HS6ST2: variants seen among roughly 807,000 people sequenced by gnomAD.
HS6ST2 encodes heparan sulfate 6-O-sulfotransferase 2, also known as heparan-sulfate 6-O-sulfotransferase 2.
Under a neutral mutation model 33.0 loss-of-function variants are expected in HS6ST2, and 17 were observed. The observed-to-expected ratio is 0.52, with a 90% CI of 0.35 to 0.77. The LOEUF (loss-of-function observed/expected upper bound fraction) is 0.77, where lower values mean the gene tolerates loss of function less well. Among genes scored for constraint, HS6ST2 ranks in the 30% least tolerant of loss-of-function variants. HS6ST2 has a pLI of 0.01. For synonymous variants in HS6ST2, 248 were observed against 237.1 expected (o/e 1.05, Z -0.42); for missense variants, 519 against 551.7 (o/e 0.94, Z 0.59).
rs567087475 is a variant in HS6ST2 at position 132,921,896 on chromosome X, G to A, written c.947+34912C>T. 3.9e-4 allele frequency among the ~76,000 whole-genome samples: 44 copies of A among 111,860 alleles called. No individual in the cohort carries two copies. The Middle Eastern group carries it at 0.018, about 46-fold the overall frequency. On this transcript the variant is annotated intron_variant, in intron 2 of 4. Coordinates refer to ENST00000370833, the MANE Select transcript of HS6ST2 (RefSeq NM_001394073.1). ...AGCCAGACATGTCAATGGCTTAATC[G>A]GGACCCCTGGGCTTCTTTCCTTCAA... is the stretch of plus-strand genomic sequence containing the variant.
chrX:132,847,382 A>C (rs1052851639), intron 2 of HS6ST2, among the ~76,000 whole-genome samples: 1 of 111,475 alleles, frequency 9.0e-6, no homozygotes, highest in Non-Finnish European at 1.9e-5. Flanking sequence ...AAGCCATAAA[A>C]ATCAAAATTG....
chrX:132,685,800 A>C (rs2064012931), intron 3 of HS6ST2, among the ~76,000 whole-genome samples: 1 of 111,724 alleles, frequency 9.0e-6, no homozygotes, highest in Non-Finnish European at 1.9e-5. Context: ...ATATCTCTCA[A>C]CCAAGCAGAG....
chrX:132,700,947 T>A (rs1478033664), intron 3 of HS6ST2, among the ~76,000 whole-genome samples: 2 of 111,682 alleles, frequency 1.8e-5, no homozygotes, highest in Non-Finnish European at 3.8e-5. Flanking sequence ...ACAAAATTCC[T>A]TTTACCTGTT....
rs148442832 is a variant in HS6ST2 at position 132,652,448 on chromosome X, C to A, written c.1067+16665G>T. On this transcript the variant is annotated intron_variant, in intron 4 of 4. Coordinates refer to ENST00000370833, the MANE Select transcript of HS6ST2 (RefSeq NM_001394073.1). Reference sequence around the variant, plus strand: ...AGTGCCTATTCATCACCCACATTTACAGTGCCTTCTAACAGGATAGACTGT... The same window carrying A: ...AGTGCCTATTCATCACCCACATTTAAAGTGCCTTCTAACAGGATAGACTGT... 4.8e-3 allele frequency among the ~76,000 whole-genome samples: 538 copies of A among 111,925 alleles called. 4 individuals are homozygous for A. The highest frequency in any genetic ancestry group is 0.016 in the African/African-American group (485 of 30,833).
chrX:132,866,379 T>C (rs1445551538), intron 2 of HS6ST2, among the ~76,000 whole-genome samples: 1 of 98,807 alleles, frequency 1.0e-5, no homozygotes, highest in Non-Finnish European at 2.0e-5. Flanking sequence ...TTGGTTACTG[T>C]AGCCTTGTAG....
intron 2 of HS6ST2, among the ~76,000 whole-genome samples, chrX:132,909,980 T>C (rs1395349097): frequency 1.8e-5 from 2 of 110,294 alleles, no homozygotes; most frequent in Admixed American, 1.9e-4. Flanking sequence ...TGGAAATAAA[T>C]GAGGACATCA....
chrX:132,682,970 C>T (rs189772294), intron 3 of HS6ST2, among the ~76,000 whole-genome samples: 9 of 109,771 alleles, frequency 8.2e-5, no homozygotes, highest in East Asian at 2.9e-4. Context: ...TAAAATGATC[C>T]GGGCATGGTG....
At chrX:132,693,819 T>C (rs2064084233) in intron 3 of HS6ST2, among the ~76,000 whole-genome samples, 1 of 111,417 alleles carries the variant, frequency 9.0e-6, no homozygotes, top group South Asian at 3.8e-4. Flanking sequence ...TGAACTTTCT[T>C]ATCTCCCTAA....
intron 2 of HS6ST2, among the ~76,000 whole-genome samples, chrX:132,945,703 C>T (rs1047080264): frequency 1.3e-4 from 14 of 109,399 alleles, no homozygotes; most frequent in African/African-American, 4.7e-4. Flanking sequence ...ATGTCCTTTG[C>T]AGGGACATGG....
chrX:132,680,526 G>A (rs2063961307), intron 3 of HS6ST2, among the ~76,000 whole-genome samples: 1 of 111,621 alleles, frequency 9.0e-6, no homozygotes. Context: ...CAAACCTTTA[G>A]AAGAGATTAC....
intron 2 of HS6ST2, among the ~76,000 whole-genome samples, chrX:132,801,656 T>C (rs981494195): frequency 1.8e-5 from 2 of 111,456 alleles, no homozygotes; most frequent in African/African-American, 3.3e-5. Flanking sequence ...TTGGGTTCCT[T>C]ACTTGCTAGG....
intron 3 of HS6ST2, among the ~76,000 whole-genome samples, chrX:132,704,508 C>A (rs1379615288): frequency 9.0e-6 from 1 of 110,627 alleles, no homozygotes; most frequent in Non-Finnish European, 1.9e-5. Flanking sequence ...GAACTGAGAT[C>A]GCGCCATTGA....
At chrX:132,814,196 G>C (rs994703323) in intron 2 of HS6ST2, among the ~76,000 whole-genome samples, 3 of 111,692 alleles carry the variant, frequency 2.7e-5, no homozygotes, top group Non-Finnish European at 5.6e-5. Flanking sequence ...CACCCGCCTC[G>C]GCCTCCCAAA....
At chrX:132,836,913 C>A (rs1195056105) in intron 2 of HS6ST2, among the ~76,000 whole-genome samples, 1 of 111,636 alleles carries the variant, frequency 9.0e-6, no homozygotes, top group Non-Finnish European at 1.9e-5. Context: ...AATGTATATT[C>A]ATTTGTGTGT....
chrX:132,945,660 GA>G (rs35827625), intron 2 of HS6ST2, among the ~76,000 whole-genome samples: 1 of 110,042 alleles, frequency 9.1e-6, no homozygotes, highest in Non-Finnish European at 1.9e-5. Context: ...ATACACCATG[GA>G]ATACTATGCA....
At chrX:132,946,245 C>T (rs759536682) in intron 2 of HS6ST2, among the ~76,000 whole-genome samples, 5 of 111,657 alleles carry the variant, frequency 4.5e-5, no homozygotes, top group African/African-American at 1.6e-4. Context: ...CTAGAAATAC[C>T]GTTTGACCCA....
intron 2 of HS6ST2, among the ~76,000 whole-genome samples, chrX:132,867,971 T>A (rs1419152172): frequency 8.9e-6 from 1 of 112,003 alleles, no homozygotes; most frequent in African/African-American, 3.2e-5. Context: ...AATGCCCTAA[T>A]TAAAAGACAA....
chrX:132,703,307 T>C (rs1664209054), intron 3 of HS6ST2, among the ~76,000 whole-genome samples: 1 of 112,758 alleles, frequency 8.9e-6, no homozygotes, highest in South Asian at 3.7e-4. Context: ...CCAAGAACAC[T>C]TGGAATTGAG....
At chrX:132,882,639 C>T (rs1324984475) in intron 2 of HS6ST2, among the ~76,000 whole-genome samples, 3 of 108,287 alleles carry the variant, frequency 2.8e-5, no homozygotes, top group Non-Finnish European at 3.8e-5. Context: ...CCTGATTGCC[C>T]TGGCCAGAAC....
Sources: allele counts gnomAD v4.1 joint callset (sites outside exome capture counted in the v4.1 genomes callset), GRCh38; gene constraint gnomAD v4.1.1; transcripts MANE v1.5; gene names NCBI Gene and HGNC (gene_info 2026-07-23, HGNC 2026-07-21).